Variants in NOSTRIN observed in about 807,000 individuals in gnomAD.
NOSTRIN encodes nitric oxide synthase trafficking, also known as BM247 homolog.
NOSTRIN carries 63 observed loss-of-function variants against 59.0 expected under a neutral mutation model. The observed-to-expected ratio is 1.07, with a 90% CI of 0.87 to 1.32. The LOEUF is 1.32. Among genes scored for constraint, NOSTRIN ranks in the 40% most tolerant of loss-of-function variants. The probability of loss-of-function intolerance (pLI) is 0.00; values close to 1 mark genes in which losing one functional copy is unlikely to be tolerated. For synonymous variants in NOSTRIN, 200 were observed against 165.4 expected (o/e 1.21, Z -1.61); for missense variants, 512 against 473.1 (o/e 1.08, Z -0.76).
chr2:168,841,235 C>CAAAAAAAAAAAAAAAA (rs57480764), intron 7 of NOSTRIN, among the ~76,000 whole-genome samples: 22 of 106,574 alleles, frequency 2.1e-4, no homozygotes, highest in African/African-American at 2.5e-4. Flanking sequence ...ACCCTGTCTC[C>CAAAAAAAAAAAAAAAA]AAAAAAAAAA....
At chr2:168,851,523 C>T in intron 10 of NOSTRIN, 119 bp downstream of exon 10, 2 of 1,395,430 alleles carry the variant, frequency 1.4e-6, no homozygotes, top group East Asian at 2.5e-5. Context: ...ATTTCTCATA[C>T]CCCATATAAA....
At chr2:168,857,599 A>C (rs1048941092) in intron 12 of NOSTRIN, among the ~76,000 whole-genome samples, 9 of 152,240 alleles carry the variant, frequency 5.9e-5, no homozygotes, top group Non-Finnish European at 1.3e-4. Context: ...AGTTAACAAA[A>C]AGCTGATGAA....
chr2:168,796,661 A>G (rs755306415), upstream of NOSTRIN, among the ~76,000 whole-genome samples: 7 of 152,178 alleles, frequency 4.6e-5, no homozygotes, highest in South Asian at 1.5e-3. Context: ...TTAACCAACA[A>G]ACCTCCAAGA....
At position 168,856,720 on chromosome 2, in the gene NOSTRIN, G is replaced by C; in HGVS notation, c.995G>C (p.Ser332Thr). The C allele has an allele frequency of 6.2e-7, 1 of 1,614,150 alleles. No homozygotes were observed. Among genetic ancestry groups the C allele is most frequent in the Non-Finnish European group, 8.5e-7 (1 of 1,180,002 alleles). ...GAACGAATGCTTAAAACGTACTCCAGCACCTCCTCCTTCTCTGATGCAAAG... is the reference window on the plus strand; with the variant it reads ...GAACGAATGCTTAAAACGTACTCCACCACCTCCTCCTTCTCTGATGCAAAG... ...GLERMLKTYS[S>T]TSSFSDAKSQ... The change falls in exon 12 of 16, where the codon AGC becomes ACC. Residue 332 changes from serine to threonine, a missense_variant. Transcript: ENST00000317647.
rs889046549 is a variant in NOSTRIN at position 168,842,972 on chromosome 2, A to T, written c.505-20A>T. 1 of 868,558 alleles carries T rather than the reference A, an allele frequency of 1.2e-6. No homozygotes were observed. The highest frequency in any genetic ancestry group is 1.7e-5 in the Admixed American group (1 of 58,146). 53.8% of individuals were successfully genotyped at this position (868,558 alleles called of 1,614,324 possible). A position where few individuals can be genotyped will look rare whatever the true frequency, so the allele number is the denominator to read the frequency against. On this transcript the variant is annotated intron_variant, in intron 7 of 15. Transcript: ENST00000317647. ...TCAAAAATGTGTTAGTAAATGTGTG[A>T]CATTGATGTTTTACATTAGCTCCTC...
chr2:168,842,626 A>G (rs1025291607), intron 7 of NOSTRIN, among the ~76,000 whole-genome samples: 3 of 152,258 alleles, frequency 2.0e-5, no homozygotes, highest in African/African-American at 7.2e-5. Flanking sequence ...GATTTACCAG[A>G]TAAGACTATG....
intron 7 of NOSTRIN, 22 bp downstream of exon 7, chr2:168,834,347 G>C (rs764235648): frequency 1.1e-6 from 1 of 870,254 alleles, no homozygotes; most frequent in South Asian, 1.3e-5. Context: ...TGGCTGGCTG[G>C]GCGCATGTGC....
At chr2:168,832,512 C>T (rs1687423705) in intron 6 of NOSTRIN, among the ~76,000 whole-genome samples, 1 of 152,054 alleles carries the variant, frequency 6.6e-6, no homozygotes, top group Non-Finnish European at 1.5e-5. Flanking sequence ...GCCACTGATG[C>T]CAAATAACTA....
chr2:168,831,516 C>A lies in NOSTRIN; in HGVS notation c.387C>A (p.Asn129Lys). The A allele has an allele frequency of 1.2e-6, 1 of 864,078 alleles. No individual in the cohort carries two copies. The highest frequency in any genetic ancestry group is 2.0e-6 in the Non-Finnish European group (1 of 494,388). 53.5% of individuals were successfully genotyped at this position (864,078 alleles called of 1,614,324 possible). ...VEKTANLVIS[N>K]WNQQIKAKKK... ...AGACAGCAAATCTTGTCATTAGCAA[C>A]TGGAATCAGCAAATTAAGGCAAGTA... Residue 129 changes from asparagine (N) to lysine (K), a missense_variant, in exon 6 of 16, where the codon AAC becomes AAA. By Grantham distance (94) the Asn-to-Lys change is moderately conservative. Transcript: ENST00000317647.
intron 10 of NOSTRIN, among the ~76,000 whole-genome samples, chr2:168,854,308 A>C (rs1242645378): frequency 6.6e-6 from 1 of 152,112 alleles, no homozygotes; most frequent in Non-Finnish European, 1.5e-5. Context: ...TCTAAAGGTA[A>C]TCTCTCAGCC....
chr2:168,846,840 G>A (rs1688457319), intron 8 of NOSTRIN, among the ~76,000 whole-genome samples: 1 of 152,164 alleles, frequency 6.6e-6, no homozygotes, highest in East Asian at 1.9e-4. Context: ...GTTCTCCCAA[G>A]GATGGCACTT....
chr2:168,802,310 C>G (rs1430459744), upstream of NOSTRIN: 3 of 288,960 alleles, frequency 1.0e-5, no homozygotes, highest in East Asian at 2.2e-4. Flanking sequence ...CCTGCACTGT[C>G]AGACCAAGCG....
intron 15 of NOSTRIN, chr2:168,863,712 C>CAGAG (rs1689639623): frequency 1.1e-6 from 1 of 915,026 alleles, no homozygotes; most frequent in African/African-American, 1.8e-5. Flanking sequence ...AGGGATAATG[C>CAGAG]AGAGACATTG....
intron 7 of NOSTRIN, among the ~76,000 whole-genome samples, chr2:168,839,795 C>T (rs1033998467): frequency 4.0e-5 from 6 of 148,256 alleles, no homozygotes; most frequent in African/African-American, 1.0e-4. Context: ...CTGAGGCAGG[C>T]GAATCGCTTG....
upstream of NOSTRIN, chr2:168,802,605 C>T: frequency 1.2e-6 from 1 of 862,890 alleles, no homozygotes. Flanking sequence ...GTCCAGAATG[C>T]TGGAGCGTAG....
Position 168,851,198 on chromosome 2 carries a change from C to G in NOSTRIN, c.729+16C>G. On this transcript the variant is annotated intron_variant, in intron 9 of 15. Coordinates refer to ENST00000317647, the MANE Select transcript of NOSTRIN (RefSeq NM_001039724.4). The stretch of plus-strand genomic sequence containing the variant: ...CCTGACCACAGTGAGTAGAGATGAT[C>G]TCTCCATTTCTGGTATGCCTGGTAA... The G allele has an allele frequency of 1.2e-6, 2 of 1,614,138 alleles. No individual in the cohort carries two copies. Among genetic ancestry groups the G allele is most frequent in the Non-Finnish European group, 1.7e-6 (2 of 1,180,014 alleles).
chr2:168,797,954 T>C (rs547244166), upstream of NOSTRIN, among the ~76,000 whole-genome samples: 9 of 152,312 alleles, frequency 5.9e-5, no homozygotes, highest in South Asian at 1.0e-3. Flanking sequence ...TACCCCCTCA[T>C]ATCAAAATCC....
At chr2:168,820,448 T>G (rs1045796256) in intron 2 of NOSTRIN, among the ~76,000 whole-genome samples, 1 of 152,134 alleles carries the variant, frequency 6.6e-6, no homozygotes, top group Non-Finnish European at 1.5e-5. Flanking sequence ...AGGTCAAGCA[T>G]CAGCATGTCA....
intron 8 of NOSTRIN, among the ~76,000 whole-genome samples, chr2:168,845,185 A>G (rs1467911135): frequency 3.9e-5 from 6 of 152,222 alleles, no homozygotes; most frequent in Non-Finnish European, 1.5e-5. Flanking sequence ...AGAAAAGGTC[A>G]GGGATTTAAA....
Sources: gnomAD v4.1 joint callset for allele counts (sites outside exome capture counted in the v4.1 genomes callset) on GRCh38, gnomAD v4.1.1 for gene constraint, MANE v1.5 for transcripts, NCBI Gene and HGNC (gene_info 2026-07-23, HGNC 2026-07-21) for gene names.